MACROD2: variants seen among roughly 807,000 people sequenced by gnomAD.
MACROD2 encodes mono-ADP ribosylhydrolase 2.
A neutral mutation model predicts 70.4 loss-of-function variants in MACROD2; 36 were observed. The observed-to-expected ratio is 0.51, with a 90% CI of 0.39 to 0.68. MACROD2 has a LOEUF of 0.68. Ranked by LOEUF, MACROD2 falls within the 30% of genes least tolerant of loss-of-function variation. The pLI, the probability that MACROD2 is intolerant of heterozygous loss-of-function variation, is 0.00. For missense variants in MACROD2, 496 were observed against 538.4 expected (o/e 0.92, Z 0.78); for synonymous variants, 172 against 178.8 (o/e 0.96, Z 0.30).
At chr20:15,262,046 T>A (rs1237429227) in intron 6 of MACROD2, among the ~76,000 whole-genome samples, 1 of 152,030 alleles carries the variant, frequency 6.6e-6, no homozygotes, top group Non-Finnish European at 1.5e-5. Context: ...CTTTCTGTGT[T>A]ACAAACAATC....
intron 3 of MACROD2, among the ~76,000 whole-genome samples, chr20:14,380,955 G>A (rs2083414877): frequency 6.6e-6 from 1 of 152,096 alleles, no homozygotes; most frequent in South Asian, 2.1e-4. Context: ...GTCCAGGCTT[G>A]TATTTTCTCT....
At chr20:14,501,582 G>T (rs188523941) in intron 4 of MACROD2, among the ~76,000 whole-genome samples, 1 of 151,410 alleles carries the variant, frequency 6.6e-6, no homozygotes, top group African/African-American at 2.4e-5. Flanking sequence ...TAGAGTTTGC[G>T]TTTTTAAAAT....
At chr20:15,147,348 C>T (rs1215533417) in intron 5 of MACROD2, among the ~76,000 whole-genome samples, 1 of 151,540 alleles carries the variant, frequency 6.6e-6, no homozygotes, top group Non-Finnish European at 1.5e-5. Flanking sequence ...GAATGTTTTA[C>T]ATAGGAAATT....
chr20:15,007,379 CA>C (rs398040702), intron 5 of MACROD2, among the ~76,000 whole-genome samples: 3,000 of 137,952 alleles, frequency 0.022, 57 homozygotes, highest in Non-Finnish European at 0.034. Context: ...CAAAAACAAA[CA>C]AAAAAAAAAC....
At chr20:14,785,668 G>T (rs2072361019) in intron 5 of MACROD2, among the ~76,000 whole-genome samples, 1 of 152,072 alleles carries the variant, frequency 6.6e-6, no homozygotes, top group Admixed American at 6.5e-5. Flanking sequence ...TAAAGTCAAC[G>T]TAGTATTATT....
intron 8 of MACROD2, among the ~76,000 whole-genome samples, chr20:15,774,336 C>A (rs1448147896): frequency 6.6e-6 from 1 of 152,072 alleles, no homozygotes; most frequent in Non-Finnish European, 1.5e-5. Flanking sequence ...GTAGTGGGAG[C>A]CTTAGGCCTC....
chr20:15,552,851 T>C (rs2048117902), intron 8 of MACROD2: 1 of 152,208 alleles, frequency 6.6e-6, no homozygotes, highest in Non-Finnish European at 1.5e-5. Context: ...CTACATGGGT[T>C]ACCCTCTCGT....
At position 15,767,262 on chromosome 20, in the gene MACROD2, T is replaced by C. The variant is rs189287818; in HGVS notation, c.646-95483T>C. On this transcript the variant is annotated intron_variant, in intron 8 of 17. Transcript: ENST00000684519. ...CTTTTGAGATGAATAGCGGAGCCCT[T>C]GTGATACACCACATTCTAAGAATGC... Among the ~76,000 whole-genome samples the C allele has an allele frequency of 1.8e-3, 274 of 152,360 alleles. 3 individuals carry two copies. The highest frequency in any genetic ancestry group is 6.0e-3 in the African/African-American group (248 of 41,586).
intron 5 of MACROD2, among the ~76,000 whole-genome samples, chr20:14,997,478 AT>A (rs2074959900): frequency 6.6e-6 from 1 of 152,146 alleles, no homozygotes; most frequent in Non-Finnish European, 1.5e-5. Flanking sequence ...GACTCACTGC[AT>A]TCCCAGCTAT....
At chr20:14,875,529 C>T (rs993494850) in intron 5 of MACROD2, among the ~76,000 whole-genome samples, 1 of 152,032 alleles carries the variant, frequency 6.6e-6, no homozygotes, top group African/African-American at 2.4e-5. Flanking sequence ...TTGGGGGGTT[C>T]GTTACATGGG....
intron 8 of MACROD2, among the ~76,000 whole-genome samples, chr20:15,689,473 T>C (rs2050271904): frequency 6.6e-6 from 1 of 152,152 alleles, no homozygotes; most frequent in South Asian, 2.1e-4. Flanking sequence ...CTGGGGAGCT[T>C]CATGTAGACA....
chr20:15,427,112 A>T (rs1054675009), intron 6 of MACROD2, among the ~76,000 whole-genome samples: 2 of 152,016 alleles, frequency 1.3e-5, no homozygotes, highest in Non-Finnish European at 2.9e-5. Context: ...CATAAAATGA[A>T]TTTTTTTCCA....
intron 5 of MACROD2, among the ~76,000 whole-genome samples, chr20:14,939,625 A>G (rs929870187): frequency 2.6e-5 from 4 of 152,112 alleles, no homozygotes; most frequent in African/African-American, 9.7e-5. Context: ...ATATCTGTGA[A>G]AATGCCATGG....
At chr20:15,062,897 A>G (rs1356957811) in intron 5 of MACROD2, among the ~76,000 whole-genome samples, 2 of 152,200 alleles carry the variant, frequency 1.3e-5, no homozygotes, top group African/African-American at 2.4e-5. Flanking sequence ...AAAACTCCCC[A>G]GGGACACCAT....
At chr20:14,115,981 C>T (rs993913469) in intron 3 of MACROD2, among the ~76,000 whole-genome samples, 1 of 152,060 alleles carries the variant, frequency 6.6e-6, no homozygotes, top group Non-Finnish European at 1.5e-5. Flanking sequence ...TATAATGAGC[C>T]ATTTGTGGAG....
At chr20:15,630,553 G>A (rs1034310192) in intron 8 of MACROD2, among the ~76,000 whole-genome samples, 10 of 152,160 alleles carry the variant, frequency 6.6e-5, no homozygotes, top group Non-Finnish European at 1.3e-4. Context: ...CTCGTACTTA[G>A]CACAGGACGG....
intron 3 of MACROD2, among the ~76,000 whole-genome samples, chr20:14,483,852 TTG>T (rs1282821937): frequency 6.6e-6 from 1 of 152,244 alleles, no homozygotes; most frequent in African/African-American, 2.4e-5. Context: ...CTGTCATGCT[TTG>T]TGTCTAACAA....
chr20:14,484,841 T>C (rs2084703884), intron 3 of MACROD2, among the ~76,000 whole-genome samples: 1 of 152,218 alleles, frequency 6.6e-6, no homozygotes, highest in Non-Finnish European at 1.5e-5. Context: ...CATTCATCTG[T>C]TGATGGATGC....
chr20:14,417,680 C>T lies in MACROD2; in HGVS notation c.272-75799C>T, dbSNP rs548539207. 9.2e-5 allele frequency among the ~76,000 whole-genome samples: 14 copies of T among 152,248 alleles called. No homozygotes were observed. In the South Asian group the frequency reaches 2.9e-3, roughly 32 times the overall value. ...TTTATGAAAGACCTTGAAGTCTGAA[C>T]TTTGTGTAGGTTTTCCACAGTACAG... On this transcript the variant is annotated intron_variant, in intron 3 of 17. Transcript: ENST00000684519.
Sources: gnomAD v4.1 joint callset for allele counts (sites outside exome capture counted in the v4.1 genomes callset) on GRCh38, gnomAD v4.1.1 for gene constraint, MANE v1.5 for transcripts, NCBI Gene and HGNC (gene_info 2026-07-23, HGNC 2026-07-21) for gene names.